The following EYS variants were observed in gnomAD, a reference collection of about 807,000 sequenced individuals.
EYS encodes EGF-like photoreceptor maintenance factor.
A neutral mutation model predicts 282.1 loss-of-function variants in EYS; 250 were observed. The ratio of observed to expected loss-of-function variants is 0.89; its 90% CI spans 0.80 to 0.98. The LOEUF is 0.98. Ranked by LOEUF, EYS falls within the 50% of genes least tolerant of loss-of-function variation. EYS has a pLI of 0.00. For synonymous variants in EYS, 1,355 were observed against 1,282.9 expected (o/e 1.06, Z -1.20); for missense variants, 4,016 against 3,709.0 (o/e 1.08, Z -2.15).
intron 39 of EYS, among the ~76,000 whole-genome samples, chr6:63,779,743 TTTTC>T (rs1292958899): frequency 6.7e-5 from 10 of 148,618 alleles, no homozygotes; most frequent in African/African-American, 1.0e-4. Flanking sequence ...AAAGCTTTCT[TTTTC>T]TTTTTTTTGT....
intron 22 of EYS, chr6:64,733,407 G>T (rs1772043513): frequency 1.1e-5 from 2 of 177,212 alleles, no homozygotes; most frequent in Non-Finnish European, 2.5e-5. Flanking sequence ...ATGGTACACT[G>T]ATTTCACAAC....
chr6:64,756,855 T>C (rs115164419), intron 22 of EYS, among the ~76,000 whole-genome samples: 2,930 of 151,834 alleles, frequency 0.019, 50 homozygotes, highest in Non-Finnish European at 0.03. Flanking sequence ...TCAAAAAATT[T>C]TCTGAATTTA....
At chr6:63,914,076 T>G (rs998058621) in intron 35 of EYS, among the ~76,000 whole-genome samples, 1 of 152,216 alleles carries the variant, frequency 6.6e-6, no homozygotes, top group African/African-American at 2.4e-5. Flanking sequence ...TGAACTTAAT[T>G]GAAACATGTT....
intron 15 of EYS, among the ~76,000 whole-genome samples, chr6:64,936,603 C>T (rs1232000409): frequency 6.6e-6 from 1 of 151,280 alleles, no homozygotes; most frequent in Non-Finnish European, 1.5e-5. Flanking sequence ...CATCAATATA[C>T]AAAAATCAGT....
At chr6:65,531,212 T>A (rs538349971) in intron 2 of EYS, among the ~76,000 whole-genome samples, 1 of 152,206 alleles carries the variant, frequency 6.6e-6, no homozygotes, top group East Asian at 1.9e-4. Flanking sequence ...TTTATAGAAA[T>A]TAATGTTCTC....
intron 24 of EYS, among the ~76,000 whole-genome samples, chr6:64,603,215 C>CA (rs1678560300): frequency 6.6e-6 from 1 of 151,936 alleles, no homozygotes; most frequent in Non-Finnish European, 1.5e-5. Context: ...TAATTAGCCC[C>CA]ATTTAGCTTT....
intron 22 of EYS, among the ~76,000 whole-genome samples, chr6:64,755,861 A>G (rs1420121674): frequency 1.3e-5 from 2 of 152,214 alleles, no homozygotes; most frequent in Non-Finnish European, 2.9e-5. Flanking sequence ...TGTCCATGTA[A>G]TAAAGCTGCA....
chr6:64,988,222 G>C (rs993743129), intron 14 of EYS, among the ~76,000 whole-genome samples: 1 of 151,502 alleles, frequency 6.6e-6, no homozygotes, highest in African/African-American at 2.4e-5. Flanking sequence ...CAGATTAGAG[G>C]CTTGATACCT....
chr6:64,409,580 C>T (rs371925317), intron 28 of EYS, among the ~76,000 whole-genome samples: 93 of 152,198 alleles, frequency 6.1e-4, no homozygotes, highest in African/African-American at 2.2e-3. Flanking sequence ...TAGACCATGC[C>T]ACTGGTCATG....
In EYS at chr6:63,961,724, G is replaced by A. The variant is rs116888033; in HGVS notation, c.7055+22659C>T. 1.7e-3 allele frequency among the ~76,000 whole-genome samples: 262 copies of A among 152,166 alleles called. 3 individuals carry two copies. The East Asian group carries it at 0.042, about 24-fold the overall frequency. On this transcript the variant is annotated intron_variant, in intron 35 of 42. Transcript: ENST00000503581. ...TAGGGGAAGGACACTAATCCCATCC[G>A]TAATGGTGGAGCCCTTGTAACCTAG...
intron 29 of EYS, among the ~76,000 whole-genome samples, chr6:64,316,422 A>T (rs958793486): frequency 1.3e-5 from 2 of 152,028 alleles, no homozygotes; most frequent in African/African-American, 4.8e-5. Context: ...ATACACTAAT[A>T]ACAGACAAAT....
intron 26 of EYS, among the ~76,000 whole-genome samples, chr6:64,504,500 T>C (rs1473749915): frequency 1.3e-5 from 2 of 152,170 alleles, no homozygotes; most frequent in Admixed American, 1.3e-4. Flanking sequence ...CCGACTACCA[T>C]GGGGGCCAGA....
At chr6:65,522,795 C>CTAA (rs1350251536) in intron 2 of EYS, among the ~76,000 whole-genome samples, 1 of 152,060 alleles carries the variant, frequency 6.6e-6, no homozygotes. Context: ...GCTACAAAAT[C>CTAA]TAATGCATCT....
intron 19 of EYS, among the ~76,000 whole-genome samples, chr6:64,844,147 G>T (rs4644027): frequency 0.031 from 4,744 of 152,094 alleles, 204 homozygotes; most frequent in East Asian, 0.24. Flanking sequence ...CAAGTCGCTG[G>T]TATGTCTTTA....
chr6:63,865,866 G>T (rs1386216036), intron 35 of EYS, among the ~76,000 whole-genome samples: 8 of 152,146 alleles, frequency 5.3e-5, no homozygotes, highest in Non-Finnish European at 1.2e-4. Context: ...CACTATGAAA[G>T]TTTATGTATC....
intron 2 of EYS, among the ~76,000 whole-genome samples, chr6:65,560,271 C>T (rs1768991578): frequency 7.1e-6 from 1 of 140,232 alleles, no homozygotes; most frequent in South Asian, 2.2e-4. Context: ...TAATATATAA[C>T]ATATAACATA....
At chr6:64,197,850 A>G (rs1765339234) in intron 31 of EYS, among the ~76,000 whole-genome samples, 1 of 151,774 alleles carries the variant, frequency 6.6e-6, no homozygotes, top group African/African-American at 2.4e-5. Flanking sequence ...TTCAAAAAAC[A>G]TCTTACGGCT....
intron 12 of EYS, among the ~76,000 whole-genome samples, chr6:65,223,621 A>C (rs1766535239): frequency 6.6e-6 from 1 of 152,178 alleles, no homozygotes; most frequent in Non-Finnish European, 1.5e-5. Context: ...GTTTGCCTTT[A>C]TTGAGAATAT....
intron 24 of EYS, 103 bp from the exon 25 acceptor site, chr6:64,593,412 T>C (rs1483203895): frequency 4.0e-6 from 3 of 751,394 alleles, no homozygotes; most frequent in Non-Finnish European, 6.2e-6. Context: ...CATAGACATA[T>C]TGGATAGCTC....
Sources: gnomAD v4.1 joint callset for allele counts (sites outside exome capture counted in the v4.1 genomes callset) on GRCh38, gnomAD v4.1.1 for gene constraint, MANE v1.5 for transcripts, NCBI Gene and HGNC (gene_info 2026-07-23, HGNC 2026-07-21) for gene names.